SV2B: variants seen among roughly 807,000 people sequenced by gnomAD.
SV2B encodes solute carrier family 22 member B2.
A neutral mutation model predicts 73.9 loss-of-function variants in SV2B; 41 were observed. The observed-to-expected ratio is 0.56, with a 90% CI of 0.43 to 0.72. The LOEUF is 0.72. Ranked by LOEUF, SV2B falls within the 30% of genes least tolerant of loss-of-function variation. The pLI is 0.00. For missense variants in SV2B, 764 were observed against 857.8 expected (o/e 0.89, Z 1.37); for synonymous variants, 314 against 314.2 (o/e 1.00, Z 0.01).
In SV2B at chr15:91,199,707, G is replaced by T. The variant is rs80233769; in HGVS notation, c.-391-26166G>T. 8.3e-3 allele frequency among the ~76,000 whole-genome samples: 1,259 copies of T among 152,292 alleles called. 15 individuals are homozygous for T. The highest frequency in any genetic ancestry group is 0.029 in the African/African-American group (1,202 of 41,532). On this transcript the variant is annotated intron_variant, in intron 1 of 12. Transcript: ENST00000394232. ...GAGACTGAGGTTTCAGTGCCCAGGT[G>T]GGGTGGGGAAGCCAGGAAATGGAAC...
rs2042419369 is a variant in SV2B at position 91,124,368 on chromosome 15, C to T, written c.-392+24005C>T. Among the ~76,000 whole-genome samples the T allele has an allele frequency of 6.6e-6, 1 of 152,112 alleles. No individual in the cohort carries two copies. Among genetic ancestry groups the T allele is most frequent in the Admixed American group, 6.5e-5 (1 of 15,280 alleles). On this transcript the variant is annotated intron_variant, in intron 1 of 12. Coordinates refer to ENST00000394232, the MANE Select transcript of SV2B (RefSeq NM_001323032.3). This position sits in a 1 kb window ranked among gnomAD's most constrained non-coding sequence, Gnocchi z 4.6. ...GGGAGGATTGTGAAGCTAATGGCAC[C>T]TCCTTCCTCAGGAAGTGAGACACCT...
At chr15:91,180,680 C>T (rs1454432529) in intron 1 of SV2B, among the ~76,000 whole-genome samples, 7 of 152,202 alleles carry the variant, frequency 4.6e-5, no homozygotes, top group East Asian at 3.8e-4. Context: ...TCCAGTTGAT[C>T]GCATCAGCTC....
At chr15:91,230,634 G>A (rs969896818) in intron 2 of SV2B, among the ~76,000 whole-genome samples, 40 of 152,184 alleles carry the variant, frequency 2.6e-4, no homozygotes, top group Non-Finnish European at 1.8e-4. Context: ...TAGTGTCCAG[G>A]AGTTGGTCTC....
chr15:91,166,827 T>C (rs1165135933), intron 1 of SV2B, among the ~76,000 whole-genome samples: 2 of 151,474 alleles, frequency 1.3e-5, no homozygotes, highest in African/African-American at 4.8e-5. Context: ...TCTTTTTTTT[T>C]TTTTGAGATG....
intron 1 of SV2B, among the ~76,000 whole-genome samples, chr15:91,207,460 G>A (rs1468969510): frequency 6.6e-6 from 1 of 152,170 alleles, no homozygotes; most frequent in Non-Finnish European, 1.5e-5. Context: ...AAAAAGGCCT[G>A]TGTGTGTGGT....
At position 91,214,693 on chromosome 15, in the gene SV2B, A is replaced by C. The variant is rs1394670847; in HGVS notation, c.-391-11180A>C. Among the ~76,000 whole-genome samples, 3 of 152,238 alleles carry C rather than the reference A, an allele frequency of 2.0e-5. No homozygotes were observed. Among genetic ancestry groups the C allele is most frequent in the Non-Finnish European group, 4.4e-5 (3 of 68,034 alleles). The stretch of plus-strand genomic sequence containing the variant: ...TTTCCCGATGAAATCAAAACGAAGT[A>C]GGATTGGCAAGCTGCCCATAATTGG... On this transcript the variant is annotated intron_variant, in intron 1 of 12. Transcript: ENST00000394232. The surrounding 1 kb of genome is among the most constrained non-coding windows in gnomAD (Gnocchi z 4.7).
At chr15:91,189,079 G>A (rs913805640) in intron 1 of SV2B, among the ~76,000 whole-genome samples, 3 of 152,118 alleles carry the variant, frequency 2.0e-5, no homozygotes, top group Non-Finnish European at 4.4e-5. Flanking sequence ...ACCCACGTTG[G>A]CCTCTCAAAG....
intron 1 of SV2B, among the ~76,000 whole-genome samples, chr15:91,165,436 A>T (rs1448575362): frequency 2.0e-5 from 3 of 152,238 alleles, no homozygotes; most frequent in Non-Finnish European, 4.4e-5. Flanking sequence ...AACAATTTAC[A>T]TAGCACTTAT....
At chr15:91,107,297 G>GTTTATTTATTTATTTATTTATTTA (rs10696273) in intron 1 of SV2B, among the ~76,000 whole-genome samples, 7 of 145,838 alleles carry the variant, frequency 4.8e-5, no homozygotes, top group African/African-American at 1.8e-4. Flanking sequence ...TTATTTGTTT[G>GTTTATTTATTTATTTATTTATTTA]TTTATTTATT....
At position 91,140,793 on chromosome 15, in the gene SV2B, G is replaced by A. The variant is rs543079753; in HGVS notation, c.-392+40430G>A. On this transcript the variant is annotated intron_variant, in intron 1 of 12. Transcript: ENST00000394232. This position sits in a 1 kb window ranked among gnomAD's most constrained non-coding sequence, Gnocchi z 4.4. ...AAGAAGTTTCTGGCATGGCTCAGTGGCTGTTTATCACCTCTGTATTAAGGA... is the reference window on the plus strand; with the variant it reads ...AAGAAGTTTCTGGCATGGCTCAGTGACTGTTTATCACCTCTGTATTAAGGA... Among the ~76,000 whole-genome samples, 1 of 151,894 alleles carries A rather than the reference G, an allele frequency of 6.6e-6. No homozygotes were observed. Among genetic ancestry groups the A allele is most frequent in the Non-Finnish European group, 1.5e-5 (1 of 67,942 alleles).
chr15:91,225,043 C>T (rs191818846), intron 1 of SV2B, among the ~76,000 whole-genome samples: 7 of 152,330 alleles, frequency 4.6e-5, no homozygotes, highest in African/African-American at 1.2e-4. Flanking sequence ...AGACCAGGCA[C>T]GATTCTAAGT....
At chr15:91,204,266 G>A (rs540454329) in intron 1 of SV2B, among the ~76,000 whole-genome samples, 13 of 152,224 alleles carry the variant, frequency 8.5e-5, no homozygotes, top group Admixed American at 4.6e-4. Flanking sequence ...TTAATTTACA[G>A]TTTTATTTTA....
intron 1 of SV2B, among the ~76,000 whole-genome samples, chr15:91,158,150 T>C (rs2043554137): frequency 6.6e-6 from 1 of 152,148 alleles, no homozygotes; most frequent in Non-Finnish European, 1.5e-5. Context: ...TGTGATGGTG[T>C]TGGGAGATGG....
chr15:91,163,692 A>T (rs148761946), intron 1 of SV2B, among the ~76,000 whole-genome samples: 40,240 of 151,936 alleles, frequency 0.26, 6,126 homozygotes, highest in East Asian at 0.64. Context: ...GATTGTGAAA[A>T]TTTTCTCCCA....
intron 1 of SV2B, among the ~76,000 whole-genome samples, chr15:91,143,404 C>T (rs531954231): frequency 2.6e-5 from 4 of 152,262 alleles, no homozygotes; most frequent in South Asian, 2.1e-4. Flanking sequence ...CCATTTGCCC[C>T]GAGAATACCT....
Position 91,299,238 on chromosome 15 carries a change from C to T in SV2B, c.*6686C>T, listed in dbSNP as rs1242881611. ...ATCACAAAGGAATTGCATAAAAATACTTACAAACATAACTATAAGCAATTG... is the reference window on the plus strand; with the variant it reads ...ATCACAAAGGAATTGCATAAAAATATTTACAAACATAACTATAAGCAATTG... On this transcript the variant is annotated 3_prime_UTR_variant, in exon 13 of 13. Transcript: ENST00000394232. 2 of 152,064 alleles carry T rather than the reference C, an allele frequency of 1.3e-5. No homozygotes were observed. Among genetic ancestry groups the T allele is most frequent in the Non-Finnish European group, 2.9e-5 (2 of 68,006 alleles). 9.4% of individuals were successfully genotyped at this position (152,064 alleles called of 1,614,324 possible). A position where few individuals can be genotyped will look rare whatever the true frequency, so the allele number is the denominator to read the frequency against.
intron 2 of SV2B, among the ~76,000 whole-genome samples, chr15:91,248,087 C>T (rs897555207): frequency 1.3e-5 from 2 of 152,058 alleles, no homozygotes; most frequent in Admixed American, 1.3e-4. Flanking sequence ...TTTGGGAGGC[C>T]GAGGTGGGCG....
chr15:91,181,166 C>G (rs532127663), intron 1 of SV2B, among the ~76,000 whole-genome samples: 8 of 152,140 alleles, frequency 5.3e-5, no homozygotes, highest in Admixed American at 5.2e-4. Context: ...CACTCCAGAC[C>G]CTGTTTGCCT....
At position 91,268,435 on chromosome 15, in the gene SV2B, C is replaced by T. The variant is rs1213853002; in HGVS notation, c.1209-6C>T. The T allele has an allele frequency of 6.2e-6, 10 of 1,609,364 alleles. No homozygotes were observed. Among genetic ancestry groups the T allele is most frequent in the Non-Finnish European group, 8.5e-6 (10 of 1,176,174 alleles). ...TTGTTGCAACCTTCTGCCTTCTCCA[C>T]TCCAGTTACTATGGACTGACAGTTT... On this transcript the variant is annotated splice_region_variant and splice_polypyrimidine_tract_variant and intron_variant, in intron 8 of 12. Transcript: ENST00000394232. This position sits in a 1 kb window ranked among gnomAD's most constrained non-coding sequence, Gnocchi z 4.4.
Sources: gnomAD v4.1 joint callset for allele counts (sites outside exome capture counted in the v4.1 genomes callset) on GRCh38, gnomAD v4.1.1 for gene constraint, Gnocchi (gnomAD v3.1) non-coding constraint, MANE v1.5 for transcripts, NCBI Gene and HGNC (gene_info 2026-07-23, HGNC 2026-07-21) for gene names.